Variants in MAGI2 observed in about 807,000 individuals in gnomAD.
The protein encoded by MAGI2 is membrane-associated guanylate kinase, WW and PDZ domain-containing protein 2.
A neutral mutation model predicts 133.3 loss-of-function variants in MAGI2; 35 were observed. The observed-to-expected ratio is 0.26, with a 90% CI of 0.20 to 0.35. MAGI2 has a LOEUF of 0.35. Ranked by LOEUF, MAGI2 falls within the 10% of genes least tolerant of loss-of-function variation. The pLI is 1.00. For missense variants in MAGI2, 1,636 were observed against 1,863.4 expected (o/e 0.88, Z 2.25); for synonymous variants, 729 against 710.6 (o/e 1.03, Z -0.41).
chr7:79,245,251 G>C (rs1832735264), intron 1 of MAGI2, among the ~76,000 whole-genome samples: 1 of 152,150 alleles, frequency 6.6e-6, no homozygotes, highest in South Asian at 2.1e-4. Flanking sequence ...AAAAAAGAAG[G>C]AAGAGTAAAG....
At chr7:78,529,578 A>T (rs2150615751) in intron 3 of MAGI2, among the ~76,000 whole-genome samples, 1 of 152,142 alleles carries the variant, frequency 6.6e-6, no homozygotes, top group Middle Eastern at 3.4e-3. Flanking sequence ...ACTATCTAGT[A>T]AAAATGGAAT....
intron 2 of MAGI2, among the ~76,000 whole-genome samples, chr7:78,677,883 C>G (rs1225215165): frequency 6.6e-6 from 1 of 152,078 alleles, no homozygotes; most frequent in Non-Finnish European, 1.5e-5. Context: ...TCTGGGGGAG[C>G]TGTCAGGAGA....
intron 1 of MAGI2, among the ~76,000 whole-genome samples, chr7:79,079,821 C>G (rs1562867856): frequency 6.6e-6 from 1 of 151,934 alleles, no homozygotes; most frequent in African/African-American, 2.4e-5. Flanking sequence ...GTACAGAACA[C>G]AGAAATGTAT....
intron 2 of MAGI2, among the ~76,000 whole-genome samples, chr7:78,950,611 C>T (rs959365988): frequency 2.0e-5 from 3 of 152,152 alleles, no homozygotes; most frequent in East Asian, 1.9e-4. Flanking sequence ...TCCAATTCCA[C>T]CTTCAGCAAA....
chr7:78,372,469 G>A (rs1180542307), intron 6 of MAGI2, among the ~76,000 whole-genome samples: 3 of 152,108 alleles, frequency 2.0e-5, no homozygotes, highest in Admixed American at 1.3e-4. Context: ...TGAGTCCTAG[G>A]TTATTTAGAA....
At chr7:79,076,720 G>A (rs571032575) in intron 1 of MAGI2, among the ~76,000 whole-genome samples, 2 of 151,982 alleles carry the variant, frequency 1.3e-5, no homozygotes, top group East Asian at 1.9e-4. Context: ...AATTCTTTTC[G>A]ACCCCTAAAG....
chr7:79,109,376 C>T (rs1342592357), intron 1 of MAGI2, among the ~76,000 whole-genome samples: 4 of 152,158 alleles, frequency 2.6e-5, no homozygotes, highest in Admixed American at 2.0e-4. Context: ...GAGGAAAGGC[C>T]ACCCATGTTA....
chr7:78,543,325 T>C (rs950401410), intron 3 of MAGI2, among the ~76,000 whole-genome samples: 8 of 152,310 alleles, frequency 5.3e-5, no homozygotes, highest in African/African-American at 1.9e-4. Context: ...CGTAATGACA[T>C]TACTAGAGAC....
chr7:78,078,106 T>C (rs924152297), intron 21 of MAGI2: 1 of 152,052 alleles, frequency 6.6e-6, no homozygotes, highest in Non-Finnish European at 1.5e-5. Context: ...TTAGAGCTCA[T>C]TATTCAGGTC....
intron 1 of MAGI2, chr7:79,012,285 C>G (rs1484288745): frequency 6.6e-6 from 1 of 152,074 alleles, no homozygotes; most frequent in Admixed American, 6.6e-5. Flanking sequence ...GAATGCCTTC[C>G]CTTTGCTATT....
chr7:79,287,632 A>G lies in MAGI2; in HGVS notation c.301+165388T>C, dbSNP rs145978739. On this transcript the variant is annotated intron_variant, in intron 1 of 21. Coordinates refer to ENST00000354212, the MANE Select transcript of MAGI2 (RefSeq NM_012301.4). ...CCTGTCTGAGCCTCAAGCACTCAGT[A>G]GTAAATTGGAGAGGATAATACCTGC... 5.8e-4 allele frequency among the ~76,000 whole-genome samples: 88 copies of G among 152,284 alleles called. 1 individual carries two copies. The East Asian group carries it at 0.015, about 27-fold the overall frequency.
chr7:78,365,476 CAAT>C (rs1793283372), intron 7 of MAGI2, among the ~76,000 whole-genome samples: 2 of 152,132 alleles, frequency 1.3e-5, no homozygotes, highest in Non-Finnish European at 2.9e-5. Flanking sequence ...CCCCTCATCT[CAAT>C]AATGTGTGGT....
chr7:78,823,575 C>T (rs1417756162), intron 2 of MAGI2, among the ~76,000 whole-genome samples: 2 of 103,100 alleles, frequency 1.9e-5, no homozygotes, highest in Non-Finnish European at 3.8e-5. Flanking sequence ...AGCGAGACTC[C>T]GTCTCAAAAA....
intron 1 of MAGI2, among the ~76,000 whole-genome samples, chr7:79,136,024 A>AGAAAGAAAGAAAGAAG (rs1554375928): frequency 5.6e-4 from 71 of 127,004 alleles, no homozygotes; most frequent in African/African-American, 2.4e-3. Context: ...AAAGAAAGAA[A>AGAAAGAAAGAAAGAAG]GAAGGAAAGA....
At chr7:78,927,140 A>C (rs1799761924) in intron 2 of MAGI2, among the ~76,000 whole-genome samples, 1 of 152,042 alleles carries the variant, frequency 6.6e-6, no homozygotes, top group African/African-American at 2.4e-5. Flanking sequence ...AGTGATGAAA[A>C]GAGACTGAAG....
chr7:78,034,162 T>G (rs1809908524), intron 21 of MAGI2, among the ~76,000 whole-genome samples: 2 of 152,198 alleles, frequency 1.3e-5, no homozygotes, highest in African/African-American at 4.8e-5. Context: ...TGCCAGGTGC[T>G]GTGTTTGAAG....
Position 78,174,636 on chromosome 7 carries a change from A to G in MAGI2, c.2403+3375T>C, listed in dbSNP as rs182828251. ...CCTTGGAATTAGGAGTGTCTTTGTCATTCATGGTGAGCCCCTTTGACCATA... is the reference window on the plus strand; with the variant it reads ...CCTTGGAATTAGGAGTGTCTTTGTCGTTCATGGTGAGCCCCTTTGACCATA... On this transcript the variant is annotated intron_variant, in intron 14 of 21. Transcript: ENST00000354212. Among the ~76,000 whole-genome samples, 123 of 152,298 alleles carry G rather than the reference A, an allele frequency of 8.1e-4. 1 individual carries two copies. Among genetic ancestry groups the G allele is most frequent in the Non-Finnish European group, 2.6e-4 (18 of 68,010 alleles).
chr7:78,644,910 T>C (rs1395663892), intron 2 of MAGI2, among the ~76,000 whole-genome samples: 1 of 152,114 alleles, frequency 6.6e-6, no homozygotes, highest in East Asian at 1.9e-4. Flanking sequence ...ATACAAATTA[T>C]CAGTATTACA....
At chr7:79,048,517 C>T (rs147981151) in intron 1 of MAGI2, among the ~76,000 whole-genome samples, 121 of 152,286 alleles carry the variant, frequency 7.9e-4, no homozygotes, top group African/African-American at 2.7e-3. Flanking sequence ...TGTGTTTCAG[C>T]TGTGCACTTA....
Sources: gnomAD v4.1 joint callset for allele counts (sites outside exome capture counted in the v4.1 genomes callset) on GRCh38, gnomAD v4.1.1 for gene constraint, MANE v1.5 for transcripts, NCBI Gene and HGNC (gene_info 2026-07-23, HGNC 2026-07-21) for gene names.